Variants in PCDHGA9 observed in about 807,000 individuals in gnomAD.
The protein encoded by PCDHGA9 is protocadherin gamma subfamily A, 9, also known as protocadherin gamma-A9.
Under a neutral mutation model 62.5 loss-of-function variants are expected in PCDHGA9, and 37 were observed. That is an observed-to-expected ratio of 0.59 (90% CI 0.46 to 0.78). The LOEUF is 0.78. Among genes scored for constraint, PCDHGA9 ranks in the 30% least tolerant of loss-of-function variants. The pLI, the probability that PCDHGA9 is intolerant of heterozygous loss-of-function variation, is 0.00. For missense variants in PCDHGA9, 1,138 were observed against 1,166.2 expected, an observed-to-expected ratio of 0.98 and a Z score of 0.35; for synonymous variants, 459 against 484.6, an observed-to-expected ratio of 0.95 and a Z score of 0.69.
intron 1 of PCDHGA9, among the ~76,000 whole-genome samples, chr5:141,453,360 C>T (rs966238012): frequency 6.6e-6 from 1 of 152,000 alleles, no homozygotes; most frequent in Non-Finnish European, 1.5e-5. Context: ...CCCTGAACTC[C>T]TGGGGTCAAG....
chr5:141,491,705 G>A lies in PCDHGA9; in HGVS notation c.2425-3102G>A. ...ACGCTGCGGGAGCGGAGCCAGGTGA[G>A]GGGCTCGGCGCCGCCCCGGGCGACC... is the stretch of plus-strand genomic sequence containing the variant. On this transcript the variant is annotated intron_variant, in intron 1 of 3. Transcript: ENST00000573521. The surrounding 1 kb of genome is among the most constrained non-coding windows in gnomAD (Gnocchi z 6.9). 1 of 1,611,064 alleles carries A rather than the reference G, an allele frequency of 6.2e-7. No homozygotes were observed. Among genetic ancestry groups the A allele is most frequent in the South Asian group, 1.1e-5 (1 of 90,828 alleles).
rs2099403992 is a variant in PCDHGA9, at chr5:141,477,030, C to T, written c.2425-17777C>T. On this transcript the variant is annotated intron_variant, in intron 1 of 3. Transcript: ENST00000573521. This position sits in a 1 kb window ranked among gnomAD's most constrained non-coding sequence, Gnocchi z 4.9. ...TTAGACCTTGTAACCGGGATGCTGACAATCAAGGGTCGGCTGGACTTCGAG... is the reference window on the plus strand; with the variant it reads ...TTAGACCTTGTAACCGGGATGCTGATAATCAAGGGTCGGCTGGACTTCGAG... The T allele has an allele frequency of 1.2e-6, 2 of 1,614,272 alleles. No homozygotes were observed. The highest frequency in any genetic ancestry group is 1.6e-4 in the Middle Eastern group (1 of 6,062).
intron 1 of PCDHGA9, among the ~76,000 whole-genome samples, chr5:141,457,854 C>A (rs2098930903): frequency 6.6e-6 from 1 of 152,234 alleles, no homozygotes; most frequent in African/African-American, 2.4e-5. Flanking sequence ...AAGTGACATT[C>A]TTCACTGACC....
At chr5:141,473,335 C>T (rs1243738475) in intron 1 of PCDHGA9, among the ~76,000 whole-genome samples, 3 of 152,184 alleles carry the variant, frequency 2.0e-5, no homozygotes, top group Non-Finnish European at 4.4e-5. Context: ...GCCTGCTGTG[C>T]TAGACAGTGA....
intron 1 of PCDHGA9, chr5:141,409,349 A>G: frequency 6.2e-7 from 1 of 1,614,030 alleles, no homozygotes. Context: ...TGGAGAAGTC[A>G]GGTGTAATAT....
Position 141,489,087 on chromosome 5 carries a change from T to TCAAA in PCDHGA9, c.2425-5720_2425-5719insCAAA. 4.6e-6 allele frequency: 1 copy of TCAAA among 216,106 alleles called. No individual in the cohort carries two copies. The highest frequency in any genetic ancestry group is 8.4e-6 in the Non-Finnish European group (1 of 118,736). The allele number at this position is 216,106 out of a possible 1,614,324, so 13.4% of individuals were successfully genotyped here. On this transcript the variant is annotated intron_variant, in intron 1 of 3. Coordinates refer to ENST00000573521, the MANE Select transcript of PCDHGA9 (RefSeq NM_018921.3). This position sits in a 1 kb window ranked among gnomAD's most constrained non-coding sequence, Gnocchi z 4.5. The stretch of plus-strand genomic sequence containing the variant: ...CCCCCTGCCCACCCCCGCCACTCGG[T>TCAAA]GACTAAGAACTGCTGCAAGCAGGCA...
At chr5:141,455,537 A>G (rs1158681837) in intron 1 of PCDHGA9, among the ~76,000 whole-genome samples, 2 of 152,162 alleles carry the variant, frequency 1.3e-5, no homozygotes, top group Non-Finnish European at 2.9e-5. Flanking sequence ...CAGGCATATC[A>G]TTCACGTAGC....
chr5:141,461,124 A>G (rs992107268), intron 1 of PCDHGA9, among the ~76,000 whole-genome samples: 1 of 151,978 alleles, frequency 6.6e-6, no homozygotes, highest in Admixed American at 6.6e-5. Context: ...TTTTTCATAT[A>G]ATTACTTATT....
intron 1 of PCDHGA9, among the ~76,000 whole-genome samples, chr5:141,484,837 T>C (rs1289449270): frequency 6.6e-6 from 1 of 151,620 alleles, no homozygotes; most frequent in Non-Finnish European, 1.5e-5. Context: ...GGCGAAAAGA[T>C]AGGCTGGGTT....
intron 1 of PCDHGA9, among the ~76,000 whole-genome samples, chr5:141,481,913 CAAAAA>C (rs34114744): frequency 1.1e-5 from 1 of 90,852 alleles, no homozygotes; most frequent in Non-Finnish European, 2.2e-5. Flanking sequence ...AACTCCATCT[CAAAAA>C]AAAAAAAAAA....
chr5:141,476,184 T>C lies in PCDHGA9; in HGVS notation c.2425-18623T>C, dbSNP rs1038598087. ...AGGGTAGTGGGAGTTTTGCTTCTGC[T>C]TGGTGCCTTGAACAAGGCTTCCACG... On this transcript the variant is annotated intron_variant, in intron 1 of 3. Coordinates refer to ENST00000573521, the MANE Select transcript of PCDHGA9 (RefSeq NM_018921.3). The surrounding 1 kb of genome is among the most constrained non-coding windows in gnomAD (Gnocchi z 7.6). 1 of 1,613,708 alleles carries C rather than the reference T, an allele frequency of 6.2e-7. No homozygotes were observed. Among genetic ancestry groups the C allele is most frequent in the Non-Finnish European group, 8.5e-7 (1 of 1,179,992 alleles).
intron 1 of PCDHGA9, among the ~76,000 whole-genome samples, chr5:141,467,665 G>T (rs1205474808): frequency 4.6e-5 from 7 of 152,040 alleles, no homozygotes; most frequent in Non-Finnish European, 1.0e-4. Flanking sequence ...AGTGCCAGAA[G>T]ATTTTTATTT....
In PCDHGA9 at chr5:141,485,049, G is replaced by C. The variant is rs1271101804; in HGVS notation, c.2425-9758G>C. On this transcript the variant is annotated intron_variant, in intron 1 of 3. Coordinates refer to ENST00000573521, the MANE Select transcript of PCDHGA9 (RefSeq NM_018921.3). The surrounding 1 kb of genome is among the most constrained non-coding windows in gnomAD (Gnocchi z 5.7). ...AACGGCGCGTAACCCTTGCGGCGCC[G>C]GCCGAACCGCGCCAGAGCTGGCGCG... 1 of 780,438 alleles carries C rather than the reference G, an allele frequency of 1.3e-6. No homozygotes were observed. The highest frequency in any genetic ancestry group is 2.1e-6 in the Non-Finnish European group (1 of 469,234). The allele number at this position is 780,438 out of a possible 1,614,324, so 48.3% of individuals were successfully genotyped here. A position where few individuals can be genotyped will look rare whatever the true frequency, so the allele number is the denominator to read the frequency against.
intron 1 of PCDHGA9, among the ~76,000 whole-genome samples, chr5:141,483,638 G>A (rs1159840764): frequency 1.4e-5 from 2 of 147,222 alleles, no homozygotes; most frequent in South Asian, 2.1e-4. Flanking sequence ...AGGTATAGAG[G>A]GGTGTGTGTT....
Position 141,420,413 on chromosome 5 carries a change from A to G in PCDHGA9, c.2424+15037A>G, listed in dbSNP as rs191893876. 4 of 1,222,394 alleles carry G rather than the reference A, an allele frequency of 3.3e-6. No individual in the cohort carries two copies. In the Admixed American group the frequency reaches 1.1e-4, roughly 33 times the overall value. 75.7% of individuals were successfully genotyped at this position (1,222,394 alleles called of 1,614,324 possible). A position where few individuals can be genotyped will look rare whatever the true frequency, so the allele number is the denominator to read the frequency against. ...ATAGGTCAAATTTATGGTTATCATT[A>G]TTAAAACAAAAGTTTAAATTAAATG... On this transcript the variant is annotated intron_variant, in intron 1 of 3. Transcript: ENST00000573521.
intron 1 of PCDHGA9, chr5:141,408,178 G>A (rs1425207794): frequency 1.3e-6 from 2 of 1,535,708 alleles, no homozygotes; most frequent in Non-Finnish European, 1.8e-6. Context: ...GAAAAGCGGG[G>A]ACCCAGCGAG....
Position 141,486,829 on chromosome 5 carries a change from T to A in PCDHGA9, c.2425-7978T>A. 1 of 1,614,178 alleles carries A rather than the reference T, an allele frequency of 6.2e-7. No individual in the cohort carries two copies. On this transcript the variant is annotated intron_variant, in intron 1 of 3. Coordinates refer to ENST00000573521, the MANE Select transcript of PCDHGA9 (RefSeq NM_018921.3). The surrounding 1 kb of genome is among the most constrained non-coding windows in gnomAD (Gnocchi z 5.0). ...CCCTTAGCAGCACTGTAACAGTTCG[T>A]CTATTTGTGCTGGACCTCAATGACA...
At chr5:141,428,400 G>C (rs373595231) in intron 1 of PCDHGA9, 4 of 483,290 alleles carry the variant, frequency 8.3e-6, no homozygotes, top group African/African-American at 2.0e-5. Flanking sequence ...CCTCTGCCTG[G>C]GGTTGCTTTC....
chr5:141,484,869 G>C (rs2154580238), intron 1 of PCDHGA9: 1 of 292,558 alleles, frequency 3.4e-6, no homozygotes, highest in African/African-American at 2.2e-5. Flanking sequence ...GGGGGAGCGT[G>C]GAGGATAGGG....
Sources: gnomAD v4.1 joint callset for allele counts (sites outside exome capture counted in the v4.1 genomes callset) on GRCh38, gnomAD v4.1.1 for gene constraint, Gnocchi (gnomAD v3.1) non-coding constraint, MANE v1.5 for transcripts, NCBI Gene and HGNC (gene_info 2026-07-23, HGNC 2026-07-21) for gene names.